The following PRICKLE2 variants were observed in gnomAD, a reference collection of about 807,000 sequenced individuals.
PRICKLE2 encodes prickle planar cell polarity protein 2.
PRICKLE2 carries 21 observed loss-of-function variants against 81.4 expected under a neutral mutation model. The observed-to-expected ratio is 0.26, with a 90% confidence interval of 0.18 to 0.37. The LOEUF (loss-of-function observed/expected upper bound fraction) is 0.37, where lower values mean the gene tolerates loss of function less well. PRICKLE2 is among the 10% of genes least tolerant of loss of function. PRICKLE2 has a pLI of 1.00. For synonymous variants in PRICKLE2, 456 were observed against 421.5 expected (o/e 1.08, Z -1.00); for missense variants, 940 against 1,109.0 (o/e 0.85, Z 2.16).
chr3:64,258,260 ATATG>A (rs780779583), intron 2 of PRICKLE2, among the ~76,000 whole-genome samples: 8 of 152,196 alleles, frequency 5.3e-5, no homozygotes, highest in Non-Finnish European at 1.2e-4. Context: ...CTCCCAAAGG[ATATG>A]TACTAGAATG....
intron 2 of PRICKLE2, among the ~76,000 whole-genome samples, chr3:64,258,404 T>A (rs2079559490): frequency 2.0e-5 from 3 of 152,176 alleles, no homozygotes. Context: ...GATCTACAAC[T>A]ATACACAAGA....
intron 2 of PRICKLE2, among the ~76,000 whole-genome samples, chr3:64,171,723 G>T (rs1003411436): frequency 5.3e-5 from 8 of 152,210 alleles, no homozygotes; most frequent in African/African-American, 1.9e-4. Flanking sequence ...AAACAAGCGA[G>T]ATTTCAAGAG....
intron 5 of PRICKLE2, chr3:64,153,949 T>C (rs1404107259): frequency 1.3e-5 from 2 of 154,988 alleles, no homozygotes; most frequent in East Asian, 3.8e-4. Context: ...TGCCAGGCCC[T>C]CACAAGTGTT....
intron 7 of PRICKLE2, among the ~76,000 whole-genome samples, chr3:64,107,591 C>T (rs2076776780): frequency 6.6e-6 from 1 of 152,120 alleles, no homozygotes; most frequent in Non-Finnish European, 1.5e-5. Flanking sequence ...CCTATAAGCC[C>T]AGCGCTTTGG....
chr3:64,242,689 T>C (rs2079285367), intron 2 of PRICKLE2, among the ~76,000 whole-genome samples: 1 of 152,268 alleles, frequency 6.6e-6, no homozygotes, highest in South Asian at 2.1e-4. Context: ...CATTGGGCCA[T>C]CATTGCTTTA....
intron 1 of PRICKLE2, among the ~76,000 whole-genome samples, chr3:64,213,220 C>T (rs1482861333): frequency 6.6e-6 from 1 of 151,978 alleles, no homozygotes; most frequent in African/African-American, 2.4e-5. Flanking sequence ...GCTGAGATTA[C>T]AGGCATGTGC....
chr3:64,127,720 G>A (rs140662260), intron 7 of PRICKLE2, among the ~76,000 whole-genome samples: 2,005 of 151,836 alleles, frequency 0.013, 22 homozygotes, highest in Middle Eastern at 0.02. Flanking sequence ...GACCTGAGCC[G>A]TCAGCCCACG....
intron 2 of PRICKLE2, among the ~76,000 whole-genome samples, chr3:64,170,671 G>C (rs569325520): frequency 1.2e-4 from 17 of 144,770 alleles, no homozygotes; most frequent in Non-Finnish European, 2.2e-4. Context: ...ACTGGCCTGG[G>C]AAACAAAGGT....
At chr3:64,248,801 T>A (rs960053725) in intron 2 of PRICKLE2, among the ~76,000 whole-genome samples, 4 of 152,168 alleles carry the variant, frequency 2.6e-5, no homozygotes, top group Non-Finnish European at 4.4e-5. Context: ...GATAACATAC[T>A]ACCTGTGCTA....
intron 2 of PRICKLE2, among the ~76,000 whole-genome samples, chr3:64,182,264 A>G (rs919578039): frequency 1.3e-5 from 2 of 152,102 alleles, no homozygotes; most frequent in African/African-American, 4.8e-5. Context: ...AAGGTGGAAG[A>G]TCCTTTGAGT....
chr3:64,188,940 G>A (rs529510149), intron 2 of PRICKLE2, among the ~76,000 whole-genome samples: 1 of 152,196 alleles, frequency 6.6e-6, no homozygotes, highest in East Asian at 1.9e-4. Flanking sequence ...GTTAATAGAC[G>A]TCGGTCTCTG....
At chr3:64,250,694 G>A (rs1159868924) in intron 2 of PRICKLE2, among the ~76,000 whole-genome samples, 1 of 152,192 alleles carries the variant, frequency 6.6e-6, no homozygotes, top group Non-Finnish European at 1.5e-5. Context: ...TTGCAACCCA[G>A]AAAGGCCTGA....
Position 64,146,891 on chromosome 3 carries a change from C to T in PRICKLE2, c.1599G>A (p.Met533Ile). 1 of 1,614,192 alleles carries T rather than the reference C, an allele frequency of 6.2e-7. No individual in the cohort carries two copies. Among genetic ancestry groups the T allele is most frequent in the Non-Finnish European group, 8.5e-7 (1 of 1,180,044 alleles). ...CCCGAGGGGTCTGCTCTGTGGGCGT[C>T]ATGTCCTCTGTGTATTTCAGGGAAC... ...PISSLKYTED[M>I]TPTEQTPRGS... The change falls in exon 7 of 8, where the codon ATG becomes ATA. Residue 533 changes from methionine (M) to isoleucine (I), a missense_variant. Physicochemically the swap from Met to Ile is conservative, Grantham distance 10. Transcript: ENST00000638394.
At chr3:64,175,556 T>G (rs1251377089) in intron 2 of PRICKLE2, among the ~76,000 whole-genome samples, 1 of 152,232 alleles carries the variant, frequency 6.6e-6, no homozygotes, top group East Asian at 1.9e-4. Flanking sequence ...CATATGAAAC[T>G]GAATTGTTTT....
intron 1 of PRICKLE2, among the ~76,000 whole-genome samples, chr3:64,214,050 G>T (rs540181302): frequency 2.0e-5 from 3 of 152,138 alleles, no homozygotes; most frequent in African/African-American, 7.2e-5. Flanking sequence ...ATATTAGGCC[G>T]CCTTTCATCC....
intron 1 of PRICKLE2, among the ~76,000 whole-genome samples, chr3:64,219,281 A>T (rs539526013): frequency 6.6e-6 from 1 of 152,316 alleles, no homozygotes; most frequent in South Asian, 2.1e-4. Flanking sequence ...CTGATTTAGG[A>T]CCTTCATGTT....
chr3:64,110,060 G>C (rs2106950902), intron 7 of PRICKLE2, among the ~76,000 whole-genome samples: 1 of 152,330 alleles, frequency 6.6e-6, no homozygotes, highest in South Asian at 2.1e-4. Context: ...ACATCTTCCA[G>C]AATCATGTGG....
At chr3:64,217,189 G>A (rs912902184) in intron 1 of PRICKLE2, among the ~76,000 whole-genome samples, 1 of 152,118 alleles carries the variant, frequency 6.6e-6, no homozygotes, top group African/African-American at 2.4e-5. Flanking sequence ...ATCACAGCAG[G>A]AGACCTGGAG....
intron 2 of PRICKLE2, among the ~76,000 whole-genome samples, chr3:64,231,165 A>G (rs869365): frequency 0.13 from 19,940 of 152,172 alleles, 1,503 homozygotes; most frequent in East Asian, 0.22. Flanking sequence ...AAATTTTAAC[A>G]CAGCCTTTTA....
Sources: allele counts gnomAD v4.1 joint callset (sites outside exome capture counted in the v4.1 genomes callset), GRCh38; gene constraint gnomAD v4.1.1; transcripts MANE v1.5; gene names NCBI Gene and HGNC (gene_info 2026-07-23, HGNC 2026-07-21).